Variants in CCDC178 observed in about 807,000 individuals in gnomAD.
The protein encoded by CCDC178 is coiled-coil domain containing 178, also known as coiled-coil domain-containing protein 178.
CCDC178 carries 126 observed loss-of-function variants against 117.4 expected under a neutral mutation model. The ratio of observed to expected loss-of-function variants is 1.07; its 90% CI spans 0.93 to 1.24. The LOEUF (loss-of-function observed/expected upper bound fraction) is 1.24, where lower values mean the gene tolerates loss of function less well. Among genes scored for constraint, CCDC178 ranks in the 50% most tolerant of loss-of-function variants. The pLI, the probability that CCDC178 is intolerant of heterozygous loss-of-function variation, is 0.00. For synonymous variants in CCDC178, 283 were observed against 313.4 expected (o/e 0.90, Z 1.02); for missense variants, 1,030 against 986.9 (o/e 1.04, Z -0.59).
intron 21 of CCDC178, among the ~76,000 whole-genome samples, chr18:32,982,446 C>A (rs1598752762): frequency 6.6e-6 from 1 of 152,060 alleles, no homozygotes; most frequent in East Asian, 1.9e-4. Flanking sequence ...TAGTAACTGG[C>A]AGGGTAGACA....
At chr18:32,978,307 G>C (rs2055070033) in intron 21 of CCDC178, among the ~76,000 whole-genome samples, 1 of 142,820 alleles carries the variant, frequency 7.0e-6, no homozygotes, top group African/African-American at 2.6e-5. Context: ...CTTAAAGAGA[G>C]AAGAACCAGT....
intron 20 of CCDC178, among the ~76,000 whole-genome samples, chr18:33,102,362 C>G (rs993580640): frequency 9.3e-5 from 14 of 150,338 alleles, no homozygotes; most frequent in African/African-American, 3.4e-4. Flanking sequence ...TCTGAATACC[C>G]TATAGAATTA....
At chr18:33,345,573 C>T (rs184260017) in intron 9 of CCDC178, among the ~76,000 whole-genome samples, 2 of 152,090 alleles carry the variant, frequency 1.3e-5, no homozygotes, top group African/African-American at 4.8e-5. Context: ...TTTTCCTAGA[C>T]CTAAAAATGT....
At chr18:33,374,456 T>C (rs1019015536) in intron 5 of CCDC178, among the ~76,000 whole-genome samples, 1 of 152,174 alleles carries the variant, frequency 6.6e-6, no homozygotes, top group Non-Finnish European at 1.5e-5. Flanking sequence ...ACACACACTA[T>C]AATGCCTAAA....
chr18:33,176,204 T>C (rs1327101159), intron 20 of CCDC178, among the ~76,000 whole-genome samples: 1 of 152,172 alleles, frequency 6.6e-6, no homozygotes, highest in Admixed American at 6.5e-5. Flanking sequence ...ACACCTTAAA[T>C]AGTGAAATTA....
intron 18 of CCDC178, among the ~76,000 whole-genome samples, chr18:33,222,611 A>C (rs544480770): frequency 6.6e-6 from 1 of 151,870 alleles, no homozygotes; most frequent in African/African-American, 2.4e-5. Flanking sequence ...TAATCTAATC[A>C]CCTCTGGCCT....
chr18:33,327,563 A>C (rs1332214839), intron 10 of CCDC178, among the ~76,000 whole-genome samples: 3 of 152,162 alleles, frequency 2.0e-5, no homozygotes, highest in African/African-American at 7.2e-5. Flanking sequence ...CTATTTTTGC[A>C]TTCCCACCAG....
intron 3 of CCDC178, among the ~76,000 whole-genome samples, chr18:33,407,077 A>G (rs1192476669): frequency 6.6e-6 from 1 of 152,222 alleles, no homozygotes; most frequent in Non-Finnish European, 1.5e-5. Flanking sequence ...ATGGCTGCAC[A>G]TACATGCTTA....
chr18:33,125,958 G>A (rs1402385814), intron 20 of CCDC178, among the ~76,000 whole-genome samples: 2 of 152,208 alleles, frequency 1.3e-5, no homozygotes, highest in Non-Finnish European at 2.9e-5. Context: ...TAGATTCCAG[G>A]CTCTTGGGAG....
intron 9 of CCDC178, among the ~76,000 whole-genome samples, chr18:33,333,702 G>A (rs948804054): frequency 1.3e-4 from 20 of 151,416 alleles, no homozygotes; most frequent in African/African-American, 4.9e-4. Flanking sequence ...AGTAGAGATG[G>A]GGTTTCTCCA....
chr18:33,414,474 T>A (rs2063904617), intron 2 of CCDC178, among the ~76,000 whole-genome samples: 1 of 152,084 alleles, frequency 6.6e-6, no homozygotes, highest in African/African-American at 2.4e-5. Context: ...TAATAAACAG[T>A]GCTGGGAAAA....
rs542503304 is a variant in CCDC178 at position 33,378,010 on chromosome 18, C to T, written c.209-7821G>A. ...GACATTGGTAACTTTATAGAAATAGCGTTGAATATGTAGATTGCTTTGAGC... is the reference window on the plus strand; with the variant it reads ...GACATTGGTAACTTTATAGAAATAGTGTTGAATATGTAGATTGCTTTGAGC... On this transcript the variant is annotated intron_variant, in intron 5 of 22. Transcript: ENST00000383096. Among the ~76,000 whole-genome samples the T allele has an allele frequency of 1.1e-3, 171 of 152,252 alleles. 1 individual carries two copies. The highest frequency in any genetic ancestry group is 4.0e-3 in the African/African-American group (166 of 41,538).
At position 33,389,602 on chromosome 18, in the gene CCDC178, A is replaced by G; in HGVS notation, c.146T>C (p.Leu49Pro). The change falls in exon 5 of 23, where the codon CTA becomes CCA. Residue 49 changes from leucine to proline, a missense_variant. Coordinates refer to ENST00000383096, the MANE Select transcript of CCDC178 (RefSeq NM_001105528.4). ...EGNAMSQSLV[L>P]YGASKENSEG... ...ACTGTTCTCCTTAGAGGCTCCATAT[A>G]GAACCAAACTTTGAGACATGGCATT... 1 of 1,518,652 alleles carries G rather than the reference A, an allele frequency of 6.6e-7. No individual in the cohort carries two copies. 94.1% of individuals were successfully genotyped at this position (1,518,652 alleles called of 1,614,324 possible).
intron 21 of CCDC178, among the ~76,000 whole-genome samples, chr18:33,049,207 G>A (rs1236399237): frequency 6.6e-6 from 1 of 151,960 alleles, no homozygotes; most frequent in Non-Finnish European, 1.5e-5. Flanking sequence ...CCAACATTTA[G>A]TGGTTTTTTA....
chr18:33,348,858 TAC>T (rs2062931493), intron 8 of CCDC178, 30 bp downstream of exon 8: 1 of 1,341,532 alleles, frequency 7.5e-7, no homozygotes, highest in Admixed American at 1.7e-5. Context: ...TTTAAATATA[TAC>T]AGTTATTCAA....
At chr18:33,080,536 C>T (rs2057280787) in intron 21 of CCDC178, among the ~76,000 whole-genome samples, 1 of 152,106 alleles carries the variant, frequency 6.6e-6, no homozygotes, top group Admixed American at 6.6e-5. Context: ...ACAGATCCAT[C>T]CCACGAGGCC....
chr18:33,032,340 A>C (rs2056359632), intron 21 of CCDC178, among the ~76,000 whole-genome samples: 1 of 152,096 alleles, frequency 6.6e-6, no homozygotes, highest in Non-Finnish European at 1.5e-5. Context: ...CAAAGTCAGC[A>C]TTAGAATCTA....
chr18:33,226,647 G>A (rs1022614494), intron 16 of CCDC178, 146 bp downstream of exon 16: 12 of 492,078 alleles, frequency 2.4e-5, no homozygotes, highest in East Asian at 6.6e-5. Context: ...GTTGTACACA[G>A]AGGGCAACTG....
chr18:33,138,684 A>G (rs271585), intron 20 of CCDC178, among the ~76,000 whole-genome samples: 24,444 of 152,060 alleles, frequency 0.16, 2,742 homozygotes, highest in African/African-American at 0.32. Flanking sequence ...TTTAATATTG[A>G]CCCAATTTAA....
Sources: allele counts gnomAD v4.1 joint callset (sites outside exome capture counted in the v4.1 genomes callset), GRCh38; gene constraint gnomAD v4.1.1; transcripts MANE v1.5; gene names NCBI Gene and HGNC (gene_info 2026-07-23, HGNC 2026-07-21).